The following ALG5 variants were observed in gnomAD, a reference collection of about 807,000 sequenced individuals.
ALG5 encodes ALG5 dolichyl-phosphate beta-glucosyltransferase.
In ALG5, 26 loss-of-function variants were observed where a neutral mutation model predicts 51.8. The ratio of observed to expected loss-of-function variants is 0.50; its 90% CI spans 0.37 to 0.70. The LOEUF is 0.70. Among genes scored for constraint, ALG5 ranks in the 30% least tolerant of loss-of-function variants. The pLI is 0.00. For missense variants in ALG5, 311 were observed against 399.3 expected, an observed-to-expected ratio of 0.78 and a Z score of 1.88; for synonymous variants, 141 against 136.1, an observed-to-expected ratio of 1.04 and a Z score of -0.25.
At chr13:36,956,895 T>G (rs1329641855) in intron 8 of ALG5, among the ~76,000 whole-genome samples, 4 of 151,950 alleles carry the variant, frequency 2.6e-5, no homozygotes, top group Non-Finnish European at 5.9e-5. Flanking sequence ...TTAGAAATGC[T>G]TATAGAAGGA....
intron 8 of ALG5, among the ~76,000 whole-genome samples, chr13:36,962,562 C>T (rs890893398): frequency 2.0e-5 from 3 of 152,100 alleles, no homozygotes; most frequent in Non-Finnish European, 4.4e-5. Context: ...AATTCCTGGA[C>T]TCAAGCAATC....
At chr13:36,977,790 C>CAAAAAAAAAAAAAAAAAAAAAAAAAAAAA (rs869027711) in intron 6 of ALG5, among the ~76,000 whole-genome samples, 2 of 39,172 alleles carry the variant, frequency 5.1e-5, no homozygotes, top group African/African-American at 2.7e-4. Context: ...AGACTGTCTC[C>CAAAAAAAAAAAAAAAAAAAAAAAAAAAAA]AAAAAAAAAA....
intron 6 of ALG5, among the ~76,000 whole-genome samples, chr13:36,981,108 A>C (rs2058977377): frequency 6.6e-6 from 1 of 152,234 alleles, no homozygotes; most frequent in African/African-American, 2.4e-5. Flanking sequence ...TTATTATCAG[A>C]AAAGAAATTG....
chr13:36,986,089 G>A (rs530017115), intron 5 of ALG5, among the ~76,000 whole-genome samples: 38 of 152,280 alleles, frequency 2.5e-4, no homozygotes, highest in African/African-American at 9.1e-4. Flanking sequence ...GTGTCATGAT[G>A]CTTAAAATGA....
chr13:36,986,826 C>A (rs1410283067), intron 5 of ALG5, among the ~76,000 whole-genome samples: 5 of 152,102 alleles, frequency 3.3e-5, no homozygotes, highest in Non-Finnish European at 7.4e-5. Context: ...ACTTGGGAGG[C>A]TGAGGTGGTA....
rs565274645 is a variant in ALG5, at chr13:36,985,724, C to T, written c.464G>A (p.Arg155Gln). The change falls in exon 6 of 10, where the codon CGA (arginine) becomes CAA (glutamine). Residue 155 changes from arginine to glutamine, a missense_variant. Transcript: ENST00000239891. ...GAIRMGIFSSRGEKILMADAD... is the reference protein window; with the variant it reads ...GAIRMGIFSSQGEKILMADAD... ...ATCTGCCATAAGGATCTTTTCTCCT[C>T]GAGAACTGAATATACCCTGTATTTT... is the stretch of plus-strand genomic sequence containing the variant. 165 of 1,612,606 alleles carry T rather than the reference C, an allele frequency of 1.0e-4. No homozygotes were observed. The highest frequency in any genetic ancestry group is 8.3e-4 in the Middle Eastern group (5 of 6,052).
At chr13:36,953,779 C>A (rs887257499) in intron 8 of ALG5, among the ~76,000 whole-genome samples, 1 of 152,072 alleles carries the variant, frequency 6.6e-6, no homozygotes, top group Non-Finnish European at 1.5e-5. Context: ...AAACCACTTA[C>A]AAAAGTGGGT....
At chr13:36,994,739 G>T (rs769766978) in intron 3 of ALG5, among the ~76,000 whole-genome samples, 28 of 151,902 alleles carry the variant, frequency 1.8e-4, no homozygotes, top group Non-Finnish European at 3.7e-4. Flanking sequence ...AGCAAGACAG[G>T]ATTAAAATGG....
At chr13:36,981,932 CA>C (rs370503935) in intron 6 of ALG5, among the ~76,000 whole-genome samples, 2 of 151,004 alleles carry the variant, frequency 1.3e-5, no homozygotes, top group Non-Finnish European at 3.0e-5. Context: ...ACTAAAAATA[CA>C]AAAAAAAATT....
chr13:36,981,106 A>G (rs2138813758), intron 6 of ALG5, among the ~76,000 whole-genome samples: 1 of 152,340 alleles, frequency 6.6e-6, no homozygotes, highest in South Asian at 2.1e-4. Flanking sequence ...ACTTATTATC[A>G]GAAAAGAAAT....
At chr13:36,983,599 C>T (rs1307780300) in intron 6 of ALG5, among the ~76,000 whole-genome samples, 1 of 149,872 alleles carries the variant, frequency 6.7e-6, no homozygotes, top group East Asian at 2.0e-4. Context: ...CTTTTAGCAA[C>T]AAGTAATTTA....
intron 8 of ALG5, among the ~76,000 whole-genome samples, chr13:36,965,193 G>C (rs2058887348): frequency 6.6e-6 from 1 of 152,034 alleles, no homozygotes; most frequent in South Asian, 2.1e-4. Context: ...AGGAGATGTA[G>C]AGGTCAAAAG....
chr13:36,955,903 G>GAAA (rs2058838029), intron 8 of ALG5, among the ~76,000 whole-genome samples: 1 of 151,942 alleles, frequency 6.6e-6, no homozygotes, highest in African/African-American at 2.4e-5. Flanking sequence ...ACTACTAGAA[G>GAAA]AAAACATATG....
intron 1 of ALG5, among the ~76,000 whole-genome samples, chr13:36,996,773 T>C (rs531216850): frequency 6.6e-6 from 1 of 152,358 alleles, no homozygotes; most frequent in South Asian, 2.1e-4. Context: ...TACAAAACTC[T>C]AGGTAATAAA....
intron 7 of ALG5, among the ~76,000 whole-genome samples, chr13:36,968,716 T>G (rs2058906743): frequency 6.6e-6 from 1 of 152,248 alleles, no homozygotes; most frequent in Non-Finnish European, 1.5e-5. Flanking sequence ...TGATTAGTTC[T>G]TTTATAATTT....
intron 9 of ALG5, among the ~76,000 whole-genome samples, chr13:36,951,340 G>A (rs2138774852): frequency 6.6e-6 from 1 of 152,312 alleles, no homozygotes; most frequent in East Asian, 1.9e-4. Flanking sequence ...CTGTGGAGAT[G>A]AGCTAAGATT....
intron 6 of ALG5, among the ~76,000 whole-genome samples, chr13:36,985,371 T>G (rs1313715176): frequency 6.6e-6 from 1 of 152,098 alleles, no homozygotes; most frequent in African/African-American, 2.4e-5. Context: ...ATATTAAAAC[T>G]TGGGTAGAAG....
At chr13:36,995,746 C>T in intron 1 of ALG5, 150 bp from the exon 2 acceptor site, 2 of 692,382 alleles carry the variant, frequency 2.9e-6, no homozygotes, top group Non-Finnish European at 4.7e-6. Flanking sequence ...GAGGTGACTC[C>T]AAAATTAGAC....
intron 6 of ALG5, among the ~76,000 whole-genome samples, chr13:36,975,122 A>ACTCAAGTT (rs2058944421): frequency 6.6e-6 from 1 of 152,096 alleles, no homozygotes; most frequent in Non-Finnish European, 1.5e-5. Flanking sequence ...GCGGCAGGAG[A>ACTCAAGTT]ATTGCTTGAA....
Sources: allele counts gnomAD v4.1 joint callset (sites outside exome capture counted in the v4.1 genomes callset), GRCh38; gene constraint gnomAD v4.1.1; transcripts MANE v1.5; gene names NCBI Gene and HGNC (gene_info 2026-07-23, HGNC 2026-07-21).